The following PLCZ1 variants were observed in gnomAD, a reference collection of about 807,000 sequenced individuals.
PLCZ1 encodes the protein 1-phosphatidylinositol 4,5-bisphosphate phosphodiesterase zeta-1.
In PLCZ1, 64 loss-of-function variants were observed where a neutral mutation model predicts 76.8. The observed-to-expected ratio is 0.83, with a 90% CI of 0.68 to 1.03. PLCZ1 has a LOEUF of 1.03. PLCZ1 is among the 50% of genes least tolerant of loss of function. The probability of loss-of-function intolerance (pLI) is 0.00; values close to 1 mark genes in which losing one functional copy is unlikely to be tolerated. For synonymous variants in PLCZ1, 248 were observed against 230.8 expected (o/e 1.07, Z -0.68); for missense variants, 751 against 713.7 (o/e 1.05, Z -0.60).
chr12:18,674,588 C>T, the PLCZ1 span, among the ~76,000 whole-genome samples: 1 of 152,182 alleles, frequency 6.6e-6, no homozygotes, highest in Non-Finnish European at 1.5e-5. Context: ...AACCATTATT[C>T]TTGAGAGAGT....
At chr12:18,716,386 A>G (rs75811790) in intron 5 of PLCZ1, among the ~76,000 whole-genome samples, 1,794 of 152,298 alleles carry the variant, frequency 0.012, 50 homozygotes, top group African/African-American at 0.042. Flanking sequence ...TTCAGACTAC[A>G]TGGTTTGGTC....
At chr12:18,732,835 T>A (rs1959129573) in intron 3 of PLCZ1, among the ~76,000 whole-genome samples, 1 of 152,226 alleles carries the variant, frequency 6.6e-6, no homozygotes, top group African/African-American at 2.4e-5. Flanking sequence ...TATTTCATTG[T>A]ATGTACATAC....
intron 5 of PLCZ1, chr12:18,715,734 G>C (rs11044266): frequency 0.21 from 31,860 of 152,030 alleles, 3,651 homozygotes; most frequent in East Asian, 0.42. Flanking sequence ...AGTCCTAGAC[G>C]CAAGTCATCA....
chr12:18,663,968 A>G, the PLCZ1 span, among the ~76,000 whole-genome samples: 1,771 of 152,326 alleles, frequency 0.012, 31 homozygotes, highest in African/African-American at 0.041. Context: ...CAAAGAAGAT[A>G]TACAAATGGC....
the PLCZ1 span, among the ~76,000 whole-genome samples, chr12:18,673,118 G>A: frequency 9.2e-5 from 14 of 152,112 alleles, no homozygotes; most frequent in African/African-American, 3.1e-4. Flanking sequence ...AGTTCCAAAA[G>A]GTATGAAGAA....
chr12:18,701,354 G>GATTCCC, intron 9 of PLCZ1, 147 bp downstream of exon 9: 1 of 1,408,484 alleles, frequency 7.1e-7, no homozygotes, highest in Non-Finnish European at 9.5e-7. Flanking sequence ...TTCCACCATC[G>GATTCCC]ATGTTTTCAA....
chr12:18,730,259 G>A (rs1482897146), intron 3 of PLCZ1, among the ~76,000 whole-genome samples: 1 of 152,034 alleles, frequency 6.6e-6, no homozygotes, highest in Non-Finnish European at 1.5e-5. Context: ...TTAGCAACAA[G>A]AGTTGAAGCA....
chr12:18,681,214 T>C (rs1274807736), downstream of PLCZ1, among the ~76,000 whole-genome samples: 1 of 152,036 alleles, frequency 6.6e-6, no homozygotes, highest in Non-Finnish European at 1.5e-5. Context: ...ACAAAGTTGG[T>C]TCCTGACTGT....
chr12:18,650,897 A>G, the PLCZ1 span, among the ~76,000 whole-genome samples: 2 of 151,536 alleles, frequency 1.3e-5, no homozygotes, highest in African/African-American at 4.8e-5. Context: ...CCTGGATTAT[A>G]TAATTGCCTT....
chr12:18,727,410 T>C (rs79465018), intron 3 of PLCZ1, among the ~76,000 whole-genome samples: 5,434 of 152,126 alleles, frequency 0.036, 298 homozygotes, highest in African/African-American at 0.12. Flanking sequence ...ATAAGGAAAG[T>C]TGGACAATTC....
At chr12:18,729,745 A>T (rs1056409915) in intron 3 of PLCZ1, among the ~76,000 whole-genome samples, 20 of 152,200 alleles carry the variant, frequency 1.3e-4, no homozygotes, top group African/African-American at 3.8e-4. Context: ...AAAGGGATTT[A>T]AAAAATCTTA....
At chr12:18,708,786 T>C (rs1478732636) in intron 6 of PLCZ1, among the ~76,000 whole-genome samples, 1 of 152,200 alleles carries the variant, frequency 6.6e-6, no homozygotes, top group Non-Finnish European at 1.5e-5. Flanking sequence ...CCTTTTCATA[T>C]ACTTGTTGGC....
intron 6 of PLCZ1, among the ~76,000 whole-genome samples, chr12:18,706,602 T>G (rs935415588): frequency 6.6e-6 from 1 of 152,190 alleles, no homozygotes; most frequent in Non-Finnish European, 1.5e-5. Context: ...AAACTTGCCA[T>G]TAAATAGGGA....
chr12:18,693,172 A>C, intron 12 of PLCZ1: 18 of 1,550,882 alleles, frequency 1.2e-5, no homozygotes, highest in Non-Finnish European at 1.5e-5. Flanking sequence ...TCAGAACACT[A>C]CATCAGCATT....
intron 11 of PLCZ1, 87 bp from the exon 12 acceptor site, chr12:18,695,166 A>G (rs1954778739): frequency 1.4e-5 from 18 of 1,298,258 alleles, no homozygotes; most frequent in Non-Finnish European, 1.9e-5. Context: ...CTAATAATGG[A>G]TTCTATGTCC....
chr12:18,652,034 TGTTA>T, the PLCZ1 span, among the ~76,000 whole-genome samples: 1 of 152,178 alleles, frequency 6.6e-6, no homozygotes, highest in African/African-American at 2.4e-5. Context: ...TTTGTTAGTT[TGTTA>T]GTTTTACGTA....
intron 13 of PLCZ1, among the ~76,000 whole-genome samples, chr12:18,687,044 A>G (rs951868197): frequency 6.6e-6 from 1 of 152,116 alleles, no homozygotes; most frequent in South Asian, 2.1e-4. Flanking sequence ...TCATGACATC[A>G]GCAGTTACTA....
intron 7 of PLCZ1, among the ~76,000 whole-genome samples, chr12:18,704,403 G>A (rs1421878342): frequency 6.6e-6 from 1 of 152,216 alleles, no homozygotes; most frequent in Middle Eastern, 3.4e-3. Context: ...TTGGCTCACT[G>A]TAACCCCCGC....
At chr12:18,726,337 GT>G (rs1461869102) in intron 3 of PLCZ1, among the ~76,000 whole-genome samples, 2 of 151,972 alleles carry the variant, frequency 1.3e-5, no homozygotes, top group Non-Finnish European at 2.9e-5. Context: ...TTTAAAAAAC[GT>G]TCCTTAAGTG....
Sources: gnomAD v4.1 joint callset for allele counts (sites outside exome capture counted in the v4.1 genomes callset) on GRCh38, gnomAD v4.1.1 for gene constraint, MANE v1.5 for transcripts, NCBI Gene and HGNC (gene_info 2026-07-23, HGNC 2026-07-21) for gene names.